Variants in SAMD4A observed in about 807,000 individuals in gnomAD.
The protein encoded by SAMD4A is sterile alpha motif domain containing 4A.
SAMD4A carries 33 observed loss-of-function variants against 81.3 expected under a neutral mutation model. The observed-to-expected ratio is 0.41, with a 90% CI of 0.31 to 0.54. SAMD4A has a LOEUF of 0.54. Ranked by LOEUF, SAMD4A falls within the 20% of genes least tolerant of loss-of-function variation. SAMD4A has a pLI of 0.37. For synonymous variants in SAMD4A, 389 were observed against 382.1 expected (o/e 1.02, Z -0.21); for missense variants, 854 against 951.1 (o/e 0.90, Z 1.34).
chr14:54,713,832 G>C (rs2037052565), intron 3 of SAMD4A, among the ~76,000 whole-genome samples: 1 of 152,194 alleles, frequency 6.6e-6, no homozygotes, highest in Non-Finnish European at 1.5e-5. Context: ...AGGCAGTCTT[G>C]ATTAAGAACA....
chr14:54,716,184 C>T (rs1394560420), intron 3 of SAMD4A, among the ~76,000 whole-genome samples: 5 of 152,180 alleles, frequency 3.3e-5, no homozygotes, highest in African/African-American at 1.2e-4. Flanking sequence ...AGCAGGGACA[C>T]TCAGCTTTTG....
intron 2 of SAMD4A, among the ~76,000 whole-genome samples, chr14:54,587,154 G>A (rs2033645561): frequency 6.6e-6 from 1 of 151,992 alleles, no homozygotes; most frequent in Non-Finnish European, 1.5e-5. Flanking sequence ...TCCTTGGTTA[G>A]GTATATTCCT....
At chr14:54,585,984 T>A (rs558840546) in intron 2 of SAMD4A, among the ~76,000 whole-genome samples, 4 of 152,318 alleles carry the variant, frequency 2.6e-5, no homozygotes, top group Non-Finnish European at 5.9e-5. Context: ...AAATGGTAGA[T>A]CTACTTTTCG....
chr14:54,718,904 G>A (rs1464509496), intron 3 of SAMD4A, among the ~76,000 whole-genome samples: 1 of 151,770 alleles, frequency 6.6e-6, no homozygotes, highest in Non-Finnish European at 1.5e-5. Flanking sequence ...TTGGAAGGCT[G>A]AAGCAGGAGA....
At chr14:54,765,926 C>T (rs75675960) in intron 8 of SAMD4A, among the ~76,000 whole-genome samples, 2 of 152,194 alleles carry the variant, frequency 1.3e-5, no homozygotes, top group South Asian at 4.1e-4. Flanking sequence ...TGCAGTTTCT[C>T]CTCTTGGCCG....
At chr14:54,784,655 T>C (rs760712673) in intron 12 of SAMD4A, 35 bp downstream of exon 12, 2 of 1,564,460 alleles carry the variant, frequency 1.3e-6, no homozygotes, top group East Asian at 4.5e-5. Context: ...CCCATGTCCC[T>C]GTTACCGTGT....
rs2140402531 is a variant in SAMD4A, at chr14:54,645,855, T to C, written c.197-56207T>C. Among the ~76,000 whole-genome samples, 3 of 152,394 alleles carry C rather than the reference T, an allele frequency of 2.0e-5. No individual in the cohort carries two copies. The South Asian group carries it at 6.2e-4, about 32-fold the overall frequency. ...TGAAAAACATCTGAAGAGGGTTGCC[T>C]GTATCTTTCCTTGCCGTTTTTTATA... On this transcript the variant is annotated intron_variant, in intron 2 of 12. Coordinates refer to ENST00000554335, the MANE Select transcript of SAMD4A (RefSeq NM_015589.6).
At chr14:54,667,565 G>T (rs180843319) in intron 2 of SAMD4A, among the ~76,000 whole-genome samples, 190 of 152,264 alleles carry the variant, frequency 1.2e-3, no homozygotes, top group African/African-American at 4.3e-3. Flanking sequence ...AGAGGCAAAT[G>T]TCATTCTTCC....
At chr14:54,632,220 CA>C (rs1019389581) in intron 2 of SAMD4A, among the ~76,000 whole-genome samples, 12 of 151,898 alleles carry the variant, frequency 7.9e-5, no homozygotes, top group Non-Finnish European at 1.2e-4. Flanking sequence ...ATTAGATATA[CA>C]AAAAAAATGC....
At chr14:54,708,955 G>A (rs1237526999) in intron 3 of SAMD4A, among the ~76,000 whole-genome samples, 5 of 152,164 alleles carry the variant, frequency 3.3e-5, no homozygotes, top group Non-Finnish European at 7.4e-5. Context: ...GCACTGAGAT[G>A]GAGAAAAGTG....
chr14:54,777,200 C>A lies in SAMD4A; in HGVS notation c.2044+660C>A, dbSNP rs550404366. Among the ~76,000 whole-genome samples the A allele has an allele frequency of 4.0e-3, 609 of 151,758 alleles. 5 individuals are homozygous for A. The highest frequency in any genetic ancestry group is 0.014 in the African/African-American group (572 of 41,286). On this transcript the variant is annotated intron_variant, in intron 11 of 12. Transcript: ENST00000554335. ...TACACTGCACCTATCTGGATGGACC[C>A]CCCCCCACCCCCACTGCCCCAAGGC...
intron 2 of SAMD4A, among the ~76,000 whole-genome samples, chr14:54,642,721 G>C (rs1371739295): frequency 1.3e-5 from 2 of 152,226 alleles, no homozygotes; most frequent in African/African-American, 4.8e-5. Context: ...TGAGGGGACT[G>C]GGAGAAGCAG....
chr14:54,720,554 C>T (rs1441409142), intron 3 of SAMD4A, among the ~76,000 whole-genome samples: 1 of 152,078 alleles, frequency 6.6e-6, no homozygotes, highest in African/African-American at 2.4e-5. Flanking sequence ...TAAAGAAACC[C>T]ATTACCAGCC....
At chr14:54,687,796 G>A (rs1342465195) in intron 2 of SAMD4A, among the ~76,000 whole-genome samples, 4 of 152,150 alleles carry the variant, frequency 2.6e-5, no homozygotes. Flanking sequence ...AGAAATGTTT[G>A]AGATGTAAAA....
Position 54,578,800 on chromosome 14 carries a change from G to C in SAMD4A, c.196+10688G>C, listed in dbSNP as rs555884402. On this transcript the variant is annotated intron_variant, in intron 2 of 12. Transcript: ENST00000554335. ...GGCCTGTTTGGACCACAGATTTGTGGCTTTTTATGAAATACACCTGTAGAT... is the reference window on the plus strand; with the variant it reads ...GGCCTGTTTGGACCACAGATTTGTGCCTTTTTATGAAATACACCTGTAGAT... Among the ~76,000 whole-genome samples the C allele has an allele frequency of 3.9e-5, 6 of 152,274 alleles. 1 individual carries two copies. Among genetic ancestry groups the C allele is most frequent in the African/African-American group, 1.4e-4 (6 of 41,542 alleles).
intron 2 of SAMD4A, among the ~76,000 whole-genome samples, chr14:54,590,267 T>G (rs1022955268): frequency 6.6e-6 from 1 of 152,084 alleles, no homozygotes; most frequent in South Asian, 2.1e-4. Flanking sequence ...CATAGGAGGA[T>G]TGCTTGAGCC....
At chr14:54,620,753 T>C (rs116529909) in intron 2 of SAMD4A, among the ~76,000 whole-genome samples, 16 of 152,280 alleles carry the variant, frequency 1.1e-4, no homozygotes, top group Non-Finnish European at 1.9e-4. Flanking sequence ...AAATCATTGC[T>C]CCATTCATTT....
At chr14:54,775,632 T>G (rs1201178023) in intron 10 of SAMD4A, among the ~76,000 whole-genome samples, 1 of 152,102 alleles carries the variant, frequency 6.6e-6, no homozygotes, top group South Asian at 2.1e-4. Context: ...TAGAGCTGAC[T>G]TCTCTGGCCC....
intron 8 of SAMD4A, 90 bp downstream of exon 8, chr14:54,764,630 C>G: frequency 1.2e-6 from 1 of 857,068 alleles, no homozygotes. Context: ...TTTTAGCCTC[C>G]AACAACTTGT....
Sources: gnomAD v4.1 joint callset for allele counts (sites outside exome capture counted in the v4.1 genomes callset) on GRCh38, gnomAD v4.1.1 for gene constraint, MANE v1.5 for transcripts, NCBI Gene and HGNC (gene_info 2026-07-23, HGNC 2026-07-21) for gene names.